PEX14: variants seen among roughly 807,000 people sequenced by gnomAD.
PEX14 encodes the protein peroxisomal biogenesis factor 14.
Under a neutral mutation model 49.5 loss-of-function variants are expected in PEX14, and 15 were observed. That is an observed-to-expected ratio of 0.30 (90% CI 0.20 to 0.47). The LOEUF is 0.47. PEX14 is among the 20% of genes least tolerant of loss of function. The pLI, the probability that PEX14 is intolerant of heterozygous loss-of-function variation, is 1.00. For missense variants in PEX14, 398 were observed against 494.8 expected, an observed-to-expected ratio of 0.80 and a Z score of 1.86; for synonymous variants, 210 against 212.7, an observed-to-expected ratio of 0.99 and a Z score of 0.11.
At chr1:10,625,009 G>A (rs576820386) in intron 7 of PEX14, among the ~76,000 whole-genome samples, 46 of 152,314 alleles carry the variant, frequency 3.0e-4, no homozygotes, top group Non-Finnish European at 5.0e-4. Flanking sequence ...TCTTGGCGTG[G>A]CAGCTTCCAG....
intron 2 of PEX14, among the ~76,000 whole-genome samples, chr1:10,524,819 A>G (rs1316747932): frequency 2.0e-5 from 3 of 152,198 alleles, no homozygotes; most frequent in African/African-American, 7.2e-5. Context: ...TAGCTCCCCA[A>G]GTAGCTGGAG....
chr1:10,587,444 CAAAT>C (rs997618826), intron 3 of PEX14, among the ~76,000 whole-genome samples: 1 of 151,824 alleles, frequency 6.6e-6, no homozygotes, highest in South Asian at 2.1e-4. Flanking sequence ...GATTCTGTCT[CAAAT>C]AAATAAATAA....
At chr1:10,537,453 C>A (rs1638853378) in intron 3 of PEX14, among the ~76,000 whole-genome samples, 2 of 148,158 alleles carry the variant, frequency 1.3e-5, no homozygotes. Flanking sequence ...AATATGTGTA[C>A]CTATGGGGAG....
At chr1:10,545,947 A>G (rs887893443) in intron 3 of PEX14, among the ~76,000 whole-genome samples, 22 of 152,306 alleles carry the variant, frequency 1.4e-4, no homozygotes, top group African/African-American at 5.3e-4. Flanking sequence ...TGAGAGGCTG[A>G]GGCAGGAGGA....
intron 4 of PEX14, among the ~76,000 whole-genome samples, chr1:10,615,102 A>T (rs1641375538): frequency 2.0e-5 from 3 of 152,148 alleles, no homozygotes; most frequent in African/African-American, 7.2e-5. Context: ...TTTCTTAGAC[A>T]CCGAGTGTCA....
Position 10,629,771 on chromosome 1 carries a change from G to A in PEX14, c.918G>A (p.Lys306=), listed in dbSNP as rs763196692. The A allele has an allele frequency of 6.3e-6, 10 of 1,584,730 alleles. No homozygotes were observed. In the East Asian group the frequency reaches 2.3e-4, roughly 36 times the overall value. ...AAGGCGAGGGGGTGGTGGACGTCAA[G>A]GGCCAGGTGCGGATGGAGGTGCAAG... The part of the protein sequence containing the change: ...QEEGEGVVDV[K]GQVRMEVQGE... The change falls in exon 9 of 9, where the codon AAG becomes AAA. Residue 306 remains lysine, a synonymous_variant. Coordinates refer to ENST00000356607, the MANE Select transcript of PEX14 (RefSeq NM_004565.3). This position sits in a 1 kb window ranked among gnomAD's most constrained non-coding sequence, Gnocchi z 8.5.
At chr1:10,611,276 AAAAAAAAT>A (rs1221353585) in intron 4 of PEX14, among the ~76,000 whole-genome samples, 4 of 152,172 alleles carry the variant, frequency 2.6e-5, no homozygotes, top group Non-Finnish European at 5.9e-5. Context: ...ACCGAAATAA[AAAAAAAAT>A]TAATAGCCAT....
intron 3 of PEX14, among the ~76,000 whole-genome samples, chr1:10,573,150 G>C (rs544561794): frequency 6.6e-6 from 1 of 152,160 alleles, no homozygotes; most frequent in Admixed American, 6.6e-5. Flanking sequence ...GACTACCATC[G>C]CATGTGCAGT....
chr1:10,508,547 G>A (rs968400357), intron 2 of PEX14, among the ~76,000 whole-genome samples: 1 of 152,094 alleles, frequency 6.6e-6, no homozygotes, highest in African/African-American at 2.4e-5. Context: ...GGCAACTTGT[G>A]CCTTGTCAGA....
intron 2 of PEX14, among the ~76,000 whole-genome samples, chr1:10,526,655 A>T (rs1213171372): frequency 6.6e-6 from 1 of 152,082 alleles, no homozygotes; most frequent in Admixed American, 6.6e-5. Flanking sequence ...ATTTTTTCAG[A>T]TTTTGGAATA....
At chr1:10,475,131 C>G (rs1453244063) in intron 1 of PEX14, 129 bp downstream of exon 1, 2 of 847,576 alleles carry the variant, frequency 2.4e-6, no homozygotes, top group Non-Finnish European at 3.9e-6. Flanking sequence ...TTGCCCCCTC[C>G]TGAGCCCCGC....
At chr1:10,523,054 C>A (rs1638351489) in intron 2 of PEX14, among the ~76,000 whole-genome samples, 1 of 152,140 alleles carries the variant, frequency 6.6e-6, no homozygotes, top group African/African-American at 2.4e-5. Context: ...TTCTAAATGA[C>A]CCCAGACTAA....
At chr1:10,521,514 A>G (rs1311301077) in intron 2 of PEX14, among the ~76,000 whole-genome samples, 2 of 152,250 alleles carry the variant, frequency 1.3e-5, no homozygotes, top group African/African-American at 4.8e-5. Context: ...GAAAAGTGTT[A>G]CATAAATGCT....
At chr1:10,577,962 G>C (rs1168607103) in intron 3 of PEX14, among the ~76,000 whole-genome samples, 1 of 151,820 alleles carries the variant, frequency 6.6e-6, no homozygotes, top group Non-Finnish European at 1.5e-5. Flanking sequence ...CCACCCAGGG[G>C]AGCCACCTTT....
At chr1:10,527,979 C>T (rs1180427947) in intron 2 of PEX14, among the ~76,000 whole-genome samples, 1 of 152,124 alleles carries the variant, frequency 6.6e-6, no homozygotes, top group Non-Finnish European at 1.5e-5. Flanking sequence ...CCTAGAAGTG[C>T]CTTTTAAAGA....
At chr1:10,556,016 C>T (rs1639477678) in intron 3 of PEX14, among the ~76,000 whole-genome samples, 1 of 149,562 alleles carries the variant, frequency 6.7e-6, no homozygotes, top group Non-Finnish European at 1.5e-5. Flanking sequence ...TGGGCTGGCA[C>T]TGCGGAGCCA....
chr1:10,511,612 G>C (rs1641885232), intron 2 of PEX14, among the ~76,000 whole-genome samples: 1 of 152,166 alleles, frequency 6.6e-6, no homozygotes, highest in Non-Finnish European at 1.5e-5. Flanking sequence ...CCTGACTTCT[G>C]TGGACTCTAG....
intron 1 of PEX14, among the ~76,000 whole-genome samples, chr1:10,480,387 CTTTTTTTTT>C (rs34544712): frequency 1.1e-5 from 1 of 87,298 alleles, no homozygotes; most frequent in East Asian, 3.1e-4. Context: ...GCCTGGCTAA[CTTTTTTTTT>C]TTTTTTTTTT....
At chr1:10,611,649 G>A (rs1451701854) in intron 4 of PEX14, among the ~76,000 whole-genome samples, 3 of 152,154 alleles carry the variant, frequency 2.0e-5, no homozygotes, top group African/African-American at 4.8e-5. Flanking sequence ...GTCAACACCC[G>A]ATAGTCTCAT....
Sources: allele counts gnomAD v4.1 joint callset (sites outside exome capture counted in the v4.1 genomes callset), GRCh38; gene constraint gnomAD v4.1.1; non-coding constraint Gnocchi (gnomAD v3.1); transcripts MANE v1.5; gene names NCBI Gene and HGNC (gene_info 2026-07-23, HGNC 2026-07-21).